GRM7: variants seen among roughly 807,000 people sequenced by gnomAD.
GRM7 encodes the protein metabotropic glutamate receptor 7.
Under a neutral mutation model 84.5 loss-of-function variants are expected in GRM7, and 35 were observed. That is an observed-to-expected ratio of 0.41 (90% CI 0.32 to 0.55). The LOEUF (loss-of-function observed/expected upper bound fraction) is 0.55. Among genes scored for constraint, GRM7 ranks in the 20% least tolerant of loss-of-function variants. The probability of loss-of-function intolerance (pLI) is 0.19; values close to 1 mark genes in which losing one functional copy is unlikely to be tolerated. For missense variants in GRM7, 1,003 were observed against 1,194.6 expected (o/e 0.84, Z 2.36); for synonymous variants, 487 against 455.1 (o/e 1.07, Z -0.89).
intron 1 of GRM7, among the ~76,000 whole-genome samples, chr3:6,873,751 G>T (rs990827301): frequency 1.3e-5 from 2 of 152,202 alleles, no homozygotes; most frequent in Non-Finnish European, 2.9e-5. Context: ...GGGCAGGGTT[G>T]TCACAGAGCT....
At chr3:7,075,674 C>T (rs112658074) in intron 1 of GRM7, among the ~76,000 whole-genome samples, 22,054 of 151,792 alleles carry the variant, frequency 0.15, 2,672 homozygotes, top group African/African-American at 0.34. Context: ...TACAGGTGCC[C>T]GCCACCATGC....
intron 7 of GRM7, among the ~76,000 whole-genome samples, chr3:7,569,679 A>G (rs566370186): frequency 6.6e-6 from 1 of 152,214 alleles, no homozygotes; most frequent in South Asian, 2.1e-4. Flanking sequence ...ACTCACCATG[A>G]AGGTCTACAG....
chr3:7,309,548 T>C (rs1431418299), intron 4 of GRM7, among the ~76,000 whole-genome samples: 1 of 152,192 alleles, frequency 6.6e-6, no homozygotes, highest in African/African-American at 2.4e-5. Flanking sequence ...AGCCAATCAG[T>C]AATCTACCTT....
intron 4 of GRM7, among the ~76,000 whole-genome samples, chr3:7,344,362 G>T (rs1692790924): frequency 6.6e-6 from 1 of 152,048 alleles, no homozygotes; most frequent in Non-Finnish European, 1.5e-5. Flanking sequence ...TTCTATTCTT[G>T]TGTTAGTTTG....
chr3:7,271,053 T>A (rs937258870), intron 2 of GRM7, among the ~76,000 whole-genome samples: 1 of 152,154 alleles, frequency 6.6e-6, no homozygotes, highest in African/African-American at 2.4e-5. Context: ...AGACGACACA[T>A]AATTAGATAC....
At chr3:6,980,654 C>T (rs1694164009) in intron 1 of GRM7, among the ~76,000 whole-genome samples, 1 of 152,170 alleles carries the variant, frequency 6.6e-6, no homozygotes, top group Non-Finnish European at 1.5e-5. Context: ...TAAGCAAATA[C>T]ACACCTGATA....
intron 9 of GRM7, among the ~76,000 whole-genome samples, chr3:7,733,041 G>C (rs921559256): frequency 6.6e-6 from 1 of 152,142 alleles, no homozygotes; most frequent in Non-Finnish European, 1.5e-5. Flanking sequence ...TAGCAGCGAG[G>C]ATGACCAGAG....
chr3:7,064,453 GATATATATACATAT>G (rs1697553767), intron 1 of GRM7, among the ~76,000 whole-genome samples: 1 of 76,438 alleles, frequency 1.3e-5, no homozygotes, highest in Admixed American at 1.3e-4. Flanking sequence ...CTCATGTATG[GATATATATACATAT>G]ATATATATAT....
At chr3:6,961,035 T>C (rs1366214510) in intron 1 of GRM7, among the ~76,000 whole-genome samples, 1 of 152,220 alleles carries the variant, frequency 6.6e-6, no homozygotes, top group Admixed American at 6.5e-5. Context: ...TTTCTGGTGA[T>C]TTCAAAATTT....
rs339806 is a variant in GRM7 at position 6,879,355 on chromosome 3, A to T, written c.519+17448A>T. 6.9e-3 allele frequency among the ~76,000 whole-genome samples: 1,048 copies of T among 152,090 alleles called. 3 individuals carry two copies. The highest frequency in any genetic ancestry group is 0.026 in the South Asian group (126 of 4,822). ...TGTTTTTGATATATGAACATAGTGGAGTGATTAGATCAAGGGAATCACACT... is the reference window on the plus strand; with the variant it reads ...TGTTTTTGATATATGAACATAGTGGTGTGATTAGATCAAGGGAATCACACT... On this transcript the variant is annotated intron_variant, in intron 1 of 9. Coordinates refer to ENST00000357716, the MANE Select transcript of GRM7 (RefSeq NM_000844.4).
rs1390717067 is a variant in GRM7, at chr3:7,265,309, A to G, written c.737-33375A>G. Reference sequence around the variant, plus strand: ...AAGAATGTCTTTATGTAATTTGCTTATTTGAAAATGCATATAATGCCTACT... The same window carrying G: ...AAGAATGTCTTTATGTAATTTGCTTGTTTGAAAATGCATATAATGCCTACT... On this transcript the variant is annotated intron_variant, in intron 2 of 9. Transcript: ENST00000357716. Among the ~76,000 whole-genome samples the G allele has an allele frequency of 3.3e-5, 5 of 152,222 alleles. No individual in the cohort carries two copies. In the East Asian group the frequency reaches 9.6e-4, roughly 29 times the overall value.
intron 1 of GRM7, among the ~76,000 whole-genome samples, chr3:6,869,581 GTCTA>G (rs140514964): frequency 1.1e-4 from 16 of 150,658 alleles, no homozygotes; most frequent in Admixed American, 1.3e-4. Context: ...CTATCTATCT[GTCTA>G]TCTATCTATC....
chr3:7,120,769 T>C (rs1283773070), intron 1 of GRM7, among the ~76,000 whole-genome samples: 2 of 152,166 alleles, frequency 1.3e-5, no homozygotes, highest in African/African-American at 4.8e-5. Context: ...ATCTCATAAC[T>C]TTCTGCCTCT....
chr3:7,513,990 T>C (rs753416987), intron 7 of GRM7, among the ~76,000 whole-genome samples: 15 of 152,250 alleles, frequency 9.9e-5, no homozygotes, highest in Non-Finnish European at 1.9e-4. Flanking sequence ...AACCCATCAC[T>C]TCACTACTAA....
chr3:7,591,444 A>T (rs1365329514), intron 8 of GRM7: 2 of 446,892 alleles, frequency 4.5e-6, no homozygotes, highest in Non-Finnish European at 8.9e-6. Flanking sequence ...AAAGTGATCA[A>T]ATCTTTTAAG....
At chr3:7,487,097 C>T (rs1329649306) in intron 7 of GRM7, among the ~76,000 whole-genome samples, 1 of 152,108 alleles carries the variant, frequency 6.6e-6, no homozygotes, top group Non-Finnish European at 1.5e-5. Flanking sequence ...GCACCATTGC[C>T]TCCCTGTCCT....
At chr3:7,543,886 C>G (rs984750268) in intron 7 of GRM7, among the ~76,000 whole-genome samples, 2 of 152,158 alleles carry the variant, frequency 1.3e-5, no homozygotes, top group African/African-American at 4.8e-5. Flanking sequence ...TTATACTGAC[C>G]CAGTAAAAGC....
At chr3:7,433,813 T>C (rs924219527) in intron 5 of GRM7, among the ~76,000 whole-genome samples, 4 of 152,212 alleles carry the variant, frequency 2.6e-5, no homozygotes, top group African/African-American at 9.6e-5. Flanking sequence ...TTTGTCTGTA[T>C]TGTGATAAAA....
At chr3:7,070,859 C>A (rs1288306453) in intron 1 of GRM7, among the ~76,000 whole-genome samples, 2 of 152,090 alleles carry the variant, frequency 1.3e-5, no homozygotes, top group Non-Finnish European at 2.9e-5. Flanking sequence ...ATTTAAGAAG[C>A]ATTTCTAAGA....
Sources: allele counts gnomAD v4.1 joint callset (sites outside exome capture counted in the v4.1 genomes callset), GRCh38; gene constraint gnomAD v4.1.1; transcripts MANE v1.5; gene names NCBI Gene and HGNC (gene_info 2026-07-23, HGNC 2026-07-21).